DCP1B: variants seen among roughly 807,000 people sequenced by gnomAD.
The protein encoded by DCP1B is mRNA-decapping enzyme 1B.
In DCP1B, 47 loss-of-function variants were observed where a neutral mutation model predicts 60.5. That is an observed-to-expected ratio of 0.78 (90% confidence interval 0.61 to 0.99). The LOEUF (loss-of-function observed/expected upper bound fraction) is 0.99. Ranked by LOEUF, DCP1B falls within the 50% of genes least tolerant of loss-of-function variation. The pLI is 0.00. For missense variants in DCP1B, 725 were observed against 756.8 expected (o/e 0.96, Z 0.49); for synonymous variants, 267 against 280.3 (o/e 0.95, Z 0.47).
At chr12:1,986,844 G>C (rs2037933772) in intron 3 of DCP1B, among the ~76,000 whole-genome samples, 1 of 152,136 alleles carries the variant, frequency 6.6e-6, no homozygotes, top group Non-Finnish European at 1.5e-5. Flanking sequence ...AGTTGCTTTT[G>C]TAATCTGCCC....
intron 3 of DCP1B, among the ~76,000 whole-genome samples, chr12:1,975,098 T>C (rs1435759964): frequency 4.6e-5 from 7 of 152,202 alleles, no homozygotes; most frequent in Non-Finnish European, 8.8e-5. Flanking sequence ...AGCCTAGTGC[T>C]ACTTCCTGAT....
chr12:1,991,147 T>C (rs1201244432), intron 3 of DCP1B: 2 of 456,260 alleles, frequency 4.4e-6, no homozygotes, highest in African/African-American at 2.0e-5. Context: ...TGTTTAATAG[T>C]AGAGCAGTAC....
At chr12:1,952,218 G>C (rs1341138652) in intron 7 of DCP1B, among the ~76,000 whole-genome samples, 198 bp downstream of exon 7, 1 of 152,030 alleles carries the variant, frequency 6.6e-6, no homozygotes, top group Non-Finnish European at 1.5e-5. Flanking sequence ...CTGTCACCCA[G>C]GCTGGAGTGC....
chr12:1,998,359 T>C (rs1376225575), intron 1 of DCP1B, among the ~76,000 whole-genome samples: 1 of 152,226 alleles, frequency 6.6e-6, no homozygotes, highest in African/African-American at 2.4e-5. Flanking sequence ...CAGACATCAC[T>C]GGTGTCTGCA....
chr12:1,946,725 G>A (rs2030438107), intron 8 of DCP1B, among the ~76,000 whole-genome samples: 1 of 152,068 alleles, frequency 6.6e-6, no homozygotes, highest in African/African-American at 2.4e-5. Context: ...TTTGAGACTG[G>A]GTCTCACTCT....
In DCP1B at chr12:1,953,063, C is replaced by G. The variant is rs1220920268; in HGVS notation, c.877G>C (p.Ala293Pro). Residue 293 changes from alanine (A) to proline (P), a missense_variant, in exon 7 of 9, where the codon GCC (alanine) becomes CCC (proline). Coordinates refer to ENST00000280665, the MANE Select transcript of DCP1B (RefSeq NM_152640.5). The part of the protein sequence containing the change: ...SPPIEKQLCP[A>P]IQKLMVRSAD... ...CTCCTGACCATGAGTTTCTGAATGG[C>G]TGGACAGAGCTGCTTCTCAATGGGG... 3.1e-6 allele frequency: 5 copies of G among 1,614,008 alleles called. No homozygotes were observed. The highest frequency in any genetic ancestry group is 3.4e-6 in the Non-Finnish European group (4 of 1,180,032).
chr12:1,986,945 T>C (rs984978990), intron 3 of DCP1B, among the ~76,000 whole-genome samples: 3 of 152,174 alleles, frequency 2.0e-5, no homozygotes, highest in African/African-American at 7.2e-5. Context: ...CTTTTTGCTA[T>C]GGGGGGTTAT....
chr12:2,002,266 T>A (rs113124408), intron 1 of DCP1B, among the ~76,000 whole-genome samples: 9 of 152,304 alleles, frequency 5.9e-5, no homozygotes, highest in African/African-American at 2.2e-4. Context: ...CATATTCTTA[T>A]TAGGTTTACA....
chr12:1,978,532 T>C (rs189754893), intron 3 of DCP1B, among the ~76,000 whole-genome samples: 8 of 152,350 alleles, frequency 5.3e-5, no homozygotes, highest in African/African-American at 1.4e-4. Context: ...CTTTCTTACA[T>C]TGAAGAATCA....
In DCP1B at chr12:1,990,540, A is replaced by AT. The variant is rs532736115; in HGVS notation, c.319+2723dup. Among the ~76,000 whole-genome samples the AT allele has an allele frequency of 2.2e-3, 338 of 150,310 alleles. 2 individuals are homozygous for AT. The highest frequency in any genetic ancestry group is 7.5e-3 in the African/African-American group (309 of 41,012). ...TACATTCATCCAATTCAAGAAAGGG[A>AT]TTTTTTTTTTCTCTCCTAATGAATC... is the stretch of plus-strand genomic sequence containing the variant. On this transcript the variant is annotated intron_variant, in intron 3 of 8. Transcript: ENST00000280665.
intron 6 of DCP1B, 150 bp from the exon 7 acceptor site, chr12:1,953,438 G>A: frequency 9.4e-7 from 1 of 1,060,938 alleles, no homozygotes; most frequent in Non-Finnish European, 1.3e-6. Context: ...CTTGAAAAAT[G>A]AGATCCCCTT....
Position 1,949,100 on chromosome 12 carries a change from G to A in DCP1B, c.1759C>T (p.Leu587=), listed in dbSNP as rs1300130323. 6.2e-7 allele frequency: 1 copy of A among 1,613,968 alleles called. No homozygotes were observed. The highest frequency in any genetic ancestry group is 1.1e-5 in the South Asian group (1 of 91,080). ...LTKLQLQEAL[L]YLIQNDDNFL... ...TGCTTGCTTACCTGAATGAGGTACA[G>A]CAGTGCCTCCTGGAGCTGGAGCTTG... The change falls in exon 8 of 9, where the codon CTG becomes TTG. Residue 587 remains leucine (L), a synonymous_variant. Coordinates refer to ENST00000280665, the MANE Select transcript of DCP1B (RefSeq NM_152640.5).
At chr12:2,000,570 A>C (rs2041958749) in intron 1 of DCP1B, among the ~76,000 whole-genome samples, 1 of 152,200 alleles carries the variant, frequency 6.6e-6, no homozygotes, top group African/African-American at 2.4e-5. Context: ...AACTTATAAC[A>C]AGTAATTCTT....
chr12:1,985,035 TAA>T (rs796830744), intron 3 of DCP1B, among the ~76,000 whole-genome samples: 9 of 142,364 alleles, frequency 6.3e-5, no homozygotes, highest in Admixed American at 7.1e-5. Context: ...CTTTCAAGAT[TAA>T]AAAAAAAAAA....
At position 1,955,463 on chromosome 12, in the gene DCP1B, TTTTCACTGGG is replaced by T. The variant is rs771912142; in HGVS notation, c.610_619del (p.Pro204ThrfsTer13). ...GGGCTGAGGTATACGCTGTTGCTGG[TTTTCACTGGG>T]TTTCACTGGAATTGGTTTGATGAGA... On this transcript the variant is annotated frameshift_variant, in exon 6 of 9. Transcript: ENST00000280665. LOFTEE classifies it high-confidence loss of function. 68 of 1,613,704 alleles carry T rather than the reference TTTTCACTGGG, an allele frequency of 4.2e-5. No individual in the cohort carries two copies. The highest frequency in any genetic ancestry group is 5.7e-5 in the Non-Finnish European group (67 of 1,179,780).
intron 5 of DCP1B, among the ~76,000 whole-genome samples, chr12:1,960,099 T>A (rs1439189600): frequency 6.6e-6 from 1 of 152,214 alleles, no homozygotes; most frequent in Non-Finnish European, 1.5e-5. Context: ...ATTCCTGTGT[T>A]CACCACAACA....
At chr12:1,973,659 T>C (rs1464205313) in intron 3 of DCP1B, among the ~76,000 whole-genome samples, 1 of 152,192 alleles carries the variant, frequency 6.6e-6, no homozygotes, top group African/African-American at 2.4e-5. Flanking sequence ...ATGGAATCTT[T>C]TTCATCGTAT....
At chr12:1,996,269 T>A (rs2040764883) in intron 2 of DCP1B, among the ~76,000 whole-genome samples, 1 of 152,170 alleles carries the variant, frequency 6.6e-6, no homozygotes. Context: ...AATAACTTCC[T>A]ACTGCTAAGA....
At chr12:1,960,173 TGTG>T (rs1158862656) in intron 5 of DCP1B, among the ~76,000 whole-genome samples, 1 of 152,058 alleles carries the variant, frequency 6.6e-6, no homozygotes, top group African/African-American at 2.4e-5. Context: ...ATAAAGAAAA[TGTG>T]GTGTATAAAC....
Sources: allele counts gnomAD v4.1 joint callset (sites outside exome capture counted in the v4.1 genomes callset), GRCh38; gene constraint gnomAD v4.1.1; transcripts MANE v1.5; gene names NCBI Gene and HGNC (gene_info 2026-07-23, HGNC 2026-07-21).